Variants in REM1 observed in about 807,000 individuals in gnomAD.
REM1 encodes the protein GTP-binding protein REM 1.
A neutral mutation model predicts 27.0 loss-of-function variants in REM1; 20 were observed. The ratio of observed to expected loss-of-function variants is 0.74; its 90% CI spans 0.52 to 1.08. The LOEUF (loss-of-function observed/expected upper bound fraction) is 1.08, where lower values mean the gene tolerates loss of function less well. Ranked by LOEUF, REM1 falls within the 50% of genes least tolerant of loss-of-function variation. REM1 has a pLI of 0.00. For missense variants in REM1, 405 were observed against 407.0 expected, an observed-to-expected ratio of 1.00 and a Z score of 0.04; for synonymous variants, 159 against 167.9, an observed-to-expected ratio of 0.95 and a Z score of 0.41.
intron 2 of REM1, among the ~76,000 whole-genome samples, chr20:31,477,475 A>G (rs1194601891): frequency 6.6e-6 from 1 of 152,202 alleles, no homozygotes; most frequent in Non-Finnish European, 1.5e-5. Flanking sequence ...GTGAGAACAC[A>G]TATGTGTTAC....
rs529941879 is a variant in REM1 at position 31,477,778 on chromosome 20, T to C, written c.341-50T>C. 7.5e-5 allele frequency: 107 copies of C among 1,434,940 alleles called. No individual in the cohort carries two copies. The South Asian group carries it at 1.2e-3, about 16-fold the overall frequency. 88.9% of individuals were successfully genotyped at this position (1,434,940 alleles called of 1,614,324 possible). Reference sequence around the variant, plus strand: ...ATGGGGGGCAGGGAACACCACACTCTCTCAGGCTTGCCCGTCCTCCCTGAG... The same window carrying C: ...ATGGGGGGCAGGGAACACCACACTCCCTCAGGCTTGCCCGTCCTCCCTGAG... On this transcript the variant is annotated intron_variant, in intron 2 of 4. Transcript: ENST00000201979.
At chr20:31,482,559 C>T (rs938163845) in intron 4 of REM1, 71 bp downstream of exon 4, 1 of 1,447,384 alleles carries the variant, frequency 6.9e-7, no homozygotes, top group Non-Finnish European at 9.5e-7. Context: ...CAGCGCTCTT[C>T]ATCTCAGTGA....
chr20:31,477,206 A>G (rs1328770167), intron 2 of REM1, among the ~76,000 whole-genome samples: 1 of 152,072 alleles, frequency 6.6e-6, no homozygotes, highest in Non-Finnish European at 1.5e-5. Flanking sequence ...CAGCAAAACT[A>G]AGATCCTTTG....
intron 4 of REM1, 109 bp from the exon 5 acceptor site, chr20:31,484,050 T>G: frequency 8.8e-6 from 11 of 1,255,164 alleles, no homozygotes; most frequent in South Asian, 3.3e-5. Context: ...GCACCAGGCA[T>G]GAGCACAGGA....
At position 31,484,434 on chromosome 20, in the gene REM1, C is replaced by T. The variant is rs567907542; in HGVS notation, c.*4C>T. ...CCACAATCTGGCCGTGCTCTGAAGCCCCCCGCCCTTCTGAGAGTTGGCGGG... is the reference window on the plus strand; with the variant it reads ...CCACAATCTGGCCGTGCTCTGAAGCTCCCCGCCCTTCTGAGAGTTGGCGGG... On this transcript the variant is annotated 3_prime_UTR_variant, in exon 5 of 5. Coordinates refer to ENST00000201979, the MANE Select transcript of REM1 (RefSeq NM_014012.6). The T allele has an allele frequency of 2.0e-6, 3 of 1,481,640 alleles. No individual in the cohort carries two copies. The South Asian group carries it at 4.1e-5, about 20-fold the overall frequency. 91.8% of individuals were successfully genotyped at this position (1,481,640 alleles called of 1,614,324 possible).
At position 31,477,896 on chromosome 20, in the gene REM1, G is replaced by A. The variant is rs368210574; in HGVS notation, c.409G>A (p.Glu137Lys). The change falls in exon 3 of 5, where the codon GAG (glutamate) becomes AAG (lysine). Residue 137 changes from glutamate to lysine, a missense_variant. Glu to Lys is a moderately conservative substitution (Grantham distance 56). Transcript: ENST00000201979. ...DTTLVVVDTW[E>K]AEKLDKSWSQ... ...CACACTGGTGGTCGTGGACACCTGG[G>A]AGGCCGAGAAACTGGTATGGCACTG... The A allele has an allele frequency of 1.1e-5, 17 of 1,611,266 alleles. No homozygotes were observed. Among genetic ancestry groups the A allele is most frequent in the African/African-American group, 6.7e-5 (5 of 74,798 alleles).
rs764767634 is a variant in REM1 at position 31,476,460 on chromosome 20, C to T, written c.15C>T (p.Thr5=). 34 of 1,589,924 alleles carry T rather than the reference C, an allele frequency of 2.1e-5. No homozygotes were observed. Among genetic ancestry groups the T allele is most frequent in the Middle Eastern group, 1.7e-4 (1 of 5,950 alleles). The change falls in exon 2 of 5, where the codon ACC becomes ACT. Residue 5 remains threonine (T), a synonymous_variant. Coordinates refer to ENST00000201979, the MANE Select transcript of REM1 (RefSeq NM_014012.6). MTLN[T]EQEAKTPLHR... is the part of the protein sequence containing the mutation. ...CCCTACCAAAGATGACACTCAACAC[C>T]GAGCAGGAAGCAAAGACCCCTCTGC... is the stretch of plus-strand genomic sequence containing the variant.
rs550246708 is a variant in REM1 at position 31,480,062 on chromosome 20, C to T, written c.423+2152C>T. ...AGAGATCATGCCATTGCACTCCAGC[C>T]TAGGCAACAAGAGCAAAACTCTGTC... On this transcript the variant is annotated intron_variant, in intron 3 of 4. Transcript: ENST00000201979. Among the ~76,000 whole-genome samples the T allele has an allele frequency of 9.2e-5, 14 of 152,054 alleles. No homozygotes were observed. The South Asian group carries it at 2.9e-3, about 32-fold the overall frequency.
At chr20:31,480,816 C>T (rs992996807) in intron 3 of REM1, among the ~76,000 whole-genome samples, 2 of 152,200 alleles carry the variant, frequency 1.3e-5, no homozygotes, top group Non-Finnish European at 2.9e-5. Flanking sequence ...CCTGTCCATA[C>T]TCAAGGTTGA....
Position 31,484,793 on chromosome 20 carries a change from CCA to C in REM1, c.*364_*365del. 194 of 223,778 alleles carry C rather than the reference CCA, an allele frequency of 8.7e-4. No individual in the cohort carries two copies. Among genetic ancestry groups the C allele is most frequent in the South Asian group, 5.4e-3 (36 of 6,686 alleles). 13.9% of individuals were successfully genotyped at this position (223,778 alleles called of 1,614,324 possible). A position where few individuals can be genotyped will look rare whatever the true frequency, so the allele number is the denominator to read the frequency against. ...CCCAGACCTCTCCATCTCGGCTCTTCCAGGCGTCTCCACCTACTGCCCTCCCA... is the reference window on the plus strand; with the variant it reads ...CCCAGACCTCTCCATCTCGGCTCTTCGGCGTCTCCACCTACTGCCCTCCCA... On this transcript the variant is annotated 3_prime_UTR_variant, in exon 5 of 5. Transcript: ENST00000201979.
rs1330862862 is a variant in REM1 at position 31,482,501 on chromosome 20, T to G, written c.625+13T>G. The G allele has an allele frequency of 1.2e-6, 2 of 1,611,498 alleles. No homozygotes were observed. Among genetic ancestry groups the G allele is most frequent in the East Asian group, 4.5e-5 (2 of 44,808 alleles). On this transcript the variant is annotated intron_variant, in intron 4 of 4. Transcript: ENST00000201979. ...GTCTCTGTGGAAGGTGAGCCCTCCA[T>G]CCCACCACCTCCTCTTCACCTGGGC...
At chr20:31,481,155 C>A (rs932323802) in intron 3 of REM1, among the ~76,000 whole-genome samples, 4 of 152,090 alleles carry the variant, frequency 2.6e-5, no homozygotes, top group Non-Finnish European at 5.9e-5. Flanking sequence ...TGCCTGTCAT[C>A]CCAGCTACTC....
chr20:31,480,477 C>T (rs2097632151), intron 3 of REM1, among the ~76,000 whole-genome samples: 2 of 152,086 alleles, frequency 1.3e-5, no homozygotes, highest in South Asian at 4.1e-4. Context: ...GCACCCACCA[C>T]CACGCCCAGC....
chr20:31,476,688 C>T lies in REM1; in HGVS notation c.243C>T (p.Tyr81=), dbSNP rs1980518908. The part of the protein sequence containing the change: ...SDSEGSWEAL[Y]RVVLLGDPGV... ...CTGAAGGCTCCTGGGAGGCTCTCTA[C>T]CGTGTGGTGCTACTTGGAGATCCTG... The change falls in exon 2 of 5, where the codon TAC becomes TAT. Residue 81 remains tyrosine, a synonymous_variant. Coordinates refer to ENST00000201979, the MANE Select transcript of REM1 (RefSeq NM_014012.6). 6.2e-7 allele frequency: 1 copy of T among 1,614,022 alleles called. No homozygotes were observed. Among genetic ancestry groups the T allele is most frequent in the Non-Finnish European group, 8.5e-7 (1 of 1,180,028 alleles).
intron 3 of REM1, among the ~76,000 whole-genome samples, chr20:31,481,596 C>G (rs189480158): frequency 6.6e-6 from 1 of 152,110 alleles, no homozygotes; most frequent in Non-Finnish European, 1.5e-5. Flanking sequence ...GGGCAGAAAC[C>G]GTGTCTTACT....
rs974346046 is a variant in REM1 at position 31,475,904 on chromosome 20, C to G, written c.-219-323C>G. On this transcript the variant is annotated intron_variant, in intron 1 of 4. Transcript: ENST00000201979. This position sits in a 1 kb window ranked among gnomAD's most constrained non-coding sequence, Gnocchi z 5.0. ...CCTCAGACCCCGTGAAATTGGGCAT[C>G]GAAAGTTAAGTAGCCCCTACCCTTG... 4.6e-5 allele frequency among the ~76,000 whole-genome samples: 7 copies of G among 152,188 alleles called. No homozygotes were observed. The highest frequency in any genetic ancestry group is 1.0e-4 in the Non-Finnish European group (7 of 68,040).
rs145603821 is a variant in REM1 at position 31,476,768 on chromosome 20, T to C, written c.323T>C (p.Leu108Pro). The change falls in exon 2 of 5, where the codon CTC (leucine) becomes CCC (proline). Residue 108 changes from leucine (L) to proline (P), a missense_variant. Leu to Pro is a moderately conservative substitution (Grantham distance 98). Coordinates refer to ENST00000201979, the MANE Select transcript of REM1 (RefSeq NM_014012.6). ...SLFAGKQERD[L>P]HEQLGEDVYE... ...TTTGCAGGGAAGCAAGAGAGGGACC[T>C]CCATGAACAGCTGGGAGGTAGGGGC... 3.5e-4 allele frequency: 565 copies of C among 1,610,544 alleles called. 2 individuals are homozygous for C. The highest frequency in any genetic ancestry group is 4.4e-4 in the Admixed American group (26 of 59,588).
chr20:31,477,916 G>A lies in REM1; in HGVS notation c.423+6G>A. Reference sequence around the variant, plus strand: ...CCTGGGAGGCCGAGAAACTGGTATGGCACTGCAAGCAGAATTTGGGGAGAG... The same window carrying A: ...CCTGGGAGGCCGAGAAACTGGTATGACACTGCAAGCAGAATTTGGGGAGAG... On this transcript the variant is annotated splice_donor_region_variant and intron_variant, in intron 3 of 4. Transcript: ENST00000201979. The A allele has an allele frequency of 6.3e-7, 1 of 1,582,256 alleles. No homozygotes were observed. Among genetic ancestry groups the A allele is most frequent in the Non-Finnish European group, 8.7e-7 (1 of 1,152,946 alleles).
intron 4 of REM1, 120 bp downstream of exon 4, chr20:31,482,608 C>T (rs1600580843): frequency 1.0e-6 from 1 of 965,628 alleles, no homozygotes; most frequent in East Asian, 2.6e-5. Context: ...CAGCCACTTG[C>T]CTAAGCCTGC....
Sources: allele counts gnomAD v4.1 joint callset (sites outside exome capture counted in the v4.1 genomes callset), GRCh38; gene constraint gnomAD v4.1.1; non-coding constraint Gnocchi (gnomAD v3.1); transcripts MANE v1.5; gene names NCBI Gene and HGNC (gene_info 2026-07-23, HGNC 2026-07-21).